The following NCALD variants were observed in gnomAD, a reference collection of about 807,000 sequenced individuals.
The protein encoded by NCALD is neurocalcin delta.
In NCALD, 10 loss-of-function variants were observed where a neutral mutation model predicts 18.6. That is an observed-to-expected ratio of 0.54 (90% CI 0.33 to 0.91). The LOEUF (loss-of-function observed/expected upper bound fraction) is 0.91. Ranked by LOEUF, NCALD falls within the 40% of genes least tolerant of loss-of-function variation. The pLI, the probability that NCALD is intolerant of heterozygous loss-of-function variation, is 0.03. For missense variants in NCALD, 184 were observed against 247.6 expected, an observed-to-expected ratio of 0.74 and a Z score of 1.72; for synonymous variants, 88 against 87.4, an observed-to-expected ratio of 1.01 and a Z score of -0.04.
intron 2 of NCALD, among the ~76,000 whole-genome samples, chr8:101,955,572 A>G (rs1373636974): frequency 6.6e-6 from 1 of 152,212 alleles, no homozygotes; most frequent in African/African-American, 2.4e-5. Flanking sequence ...TAACAACATA[A>G]CAGACTCTGC....
chr8:101,703,144 C>G (rs1004547929), intron 2 of NCALD, among the ~76,000 whole-genome samples: 1 of 136,868 alleles, frequency 7.3e-6, no homozygotes, highest in Admixed American at 7.3e-5. Context: ...GCTGCGTTCT[C>G]TGTTCCTCTT....
chr8:101,730,809 G>C (rs187591542), intron 1 of NCALD, among the ~76,000 whole-genome samples: 1 of 152,242 alleles, frequency 6.6e-6, no homozygotes, highest in Admixed American at 6.5e-5. Flanking sequence ...TTGCAAAGAG[G>C]TTCTTCATGT....
intron 1 of NCALD, among the ~76,000 whole-genome samples, chr8:102,054,473 T>C (rs1823560013): frequency 6.6e-6 from 1 of 151,960 alleles, no homozygotes; most frequent in Non-Finnish European, 1.5e-5. Context: ...AACAAGATAA[T>C]GTGAATGAGC....
intron 1 of NCALD, among the ~76,000 whole-genome samples, chr8:101,737,532 T>C (rs759074793): frequency 3.9e-5 from 6 of 152,204 alleles, no homozygotes; most frequent in Non-Finnish European, 7.3e-5. Context: ...CCCAACCTGA[T>C]TGGAGTCACC....
At chr8:101,975,462 C>T (rs549129302) in intron 2 of NCALD, 2 of 152,312 alleles carry the variant, frequency 1.3e-5, no homozygotes, top group South Asian at 4.1e-4. Context: ...GCTGGGGCCT[C>T]ACTGTGAGTG....
At chr8:102,083,407 A>G (rs1171573581) in intron 1 of NCALD, among the ~76,000 whole-genome samples, 1 of 152,254 alleles carries the variant, frequency 6.6e-6, no homozygotes, top group Non-Finnish European at 1.5e-5. Context: ...TATAAATATA[A>G]AAGAAAGGTG....
intron 1 of NCALD, among the ~76,000 whole-genome samples, chr8:101,751,560 G>C (rs1426791185): frequency 6.6e-6 from 1 of 152,038 alleles, no homozygotes; most frequent in Non-Finnish European, 1.5e-5. Flanking sequence ...GGAGGGAAAT[G>C]AATCGCCCAG....
chr8:101,726,986 G>A (rs1019743189), intron 1 of NCALD, among the ~76,000 whole-genome samples: 2 of 152,282 alleles, frequency 1.3e-5, no homozygotes, highest in Admixed American at 6.5e-5. Flanking sequence ...AATGACCAGC[G>A]AAGTAGGCAG....
chr8:102,090,566 T>TA (rs1345591854), intron 1 of NCALD, among the ~76,000 whole-genome samples: 1 of 152,192 alleles, frequency 6.6e-6, no homozygotes, highest in African/African-American at 2.4e-5. Context: ...ACTGAACTAA[T>TA]AAAAAACTGA....
intron 1 of NCALD, among the ~76,000 whole-genome samples, chr8:102,035,254 G>A (rs1380060884): frequency 1.3e-5 from 2 of 151,840 alleles, no homozygotes; most frequent in Admixed American, 1.3e-4. Flanking sequence ...TGCTATGGGT[G>A]GACTCTTCCT....
intron 2 of NCALD, among the ~76,000 whole-genome samples, chr8:101,972,638 G>T (rs139704891): frequency 2.0e-5 from 3 of 152,270 alleles, no homozygotes; most frequent in Admixed American, 6.5e-5. Context: ...TCAGTGCCTG[G>T]CACTGAATTG....
upstream of NCALD, chr8:102,124,510 C>CAA (rs1290062647): frequency 7.0e-6 from 1 of 142,798 alleles, no homozygotes; most frequent in Non-Finnish European, 1.6e-5. Flanking sequence ...CCCCCCTCCC[C>CAA]CGCTTGCCCT....
At chr8:101,699,089 A>AC (rs1330731924) in intron 2 of NCALD, among the ~76,000 whole-genome samples, 2 of 151,258 alleles carry the variant, frequency 1.3e-5, no homozygotes, top group African/African-American at 2.4e-5. Flanking sequence ...GAAAAAAAAA[A>AC]CCATCAAAAA....
chr8:101,892,051 C>G (rs939033483), intron 3 of NCALD, among the ~76,000 whole-genome samples: 1 of 152,066 alleles, frequency 6.6e-6, no homozygotes, highest in Non-Finnish European at 1.5e-5. Flanking sequence ...GGCTCCACCT[C>G]TGGGGGCAGG....
At chr8:101,803,335 A>T (rs1812940996) in intron 4 of NCALD, among the ~76,000 whole-genome samples, 1 of 152,200 alleles carries the variant, frequency 6.6e-6, no homozygotes, top group South Asian at 2.1e-4. Context: ...ACTGCTCAGA[A>T]AAAAAGATCC....
chr8:101,823,105 T>A (rs995128126), intron 4 of NCALD, among the ~76,000 whole-genome samples: 3 of 152,248 alleles, frequency 2.0e-5, no homozygotes, highest in Non-Finnish European at 4.4e-5. Flanking sequence ...TTTGCATTTA[T>A]GTAGAGTTCA....
rs73275545 is a variant in NCALD, at chr8:101,796,205, C to T, written c.-19-76557G>A. On this transcript the variant is annotated intron_variant, in intron 4 of 6. Coordinates refer to the NCALD transcript ENST00000311028. Reference sequence around the variant, plus strand: ...TAATTGGATCAAGATAATTTTCCCCCTTTCTGACTACCTTCCAGAAAAATC... The same window carrying T: ...TAATTGGATCAAGATAATTTTCCCCTTTTCTGACTACCTTCCAGAAAAATC... Among the ~76,000 whole-genome samples the T allele has an allele frequency of 6.4e-3, 968 of 152,290 alleles. 10 individuals carry two copies. The highest frequency in any genetic ancestry group is 0.022 in the African/African-American group (899 of 41,554).
At chr8:102,074,964 G>A (rs1467743056) in intron 1 of NCALD, among the ~76,000 whole-genome samples, 8 of 152,064 alleles carry the variant, frequency 5.3e-5, no homozygotes, top group Non-Finnish European at 1.2e-4. Context: ...TTTTCCATAA[G>A]GTGATAACGT....
At chr8:101,892,049 C>A (rs1328630583) in intron 3 of NCALD, among the ~76,000 whole-genome samples, 1 of 152,054 alleles carries the variant, frequency 6.6e-6, no homozygotes, top group Non-Finnish European at 1.5e-5. Flanking sequence ...TAGGCTCCAC[C>A]TCTGGGGGCA....
Sources: allele counts gnomAD v4.1 joint callset (sites outside exome capture counted in the v4.1 genomes callset), GRCh38; gene constraint gnomAD v4.1.1; transcripts MANE v1.5; gene names NCBI Gene and HGNC (gene_info 2026-07-23, HGNC 2026-07-21).